ERC1: variants seen among roughly 807,000 people sequenced by gnomAD.
The protein encoded by ERC1 is ELKS/RAB6-interacting/CAST family member 1.
A neutral mutation model predicts 132.0 loss-of-function variants in ERC1; 56 were observed. The observed-to-expected ratio is 0.42, with a 90% CI of 0.34 to 0.53. The LOEUF (loss-of-function observed/expected upper bound fraction) is 0.53. Ranked by LOEUF, ERC1 falls within the 20% of genes least tolerant of loss-of-function variation. The pLI is 0.03. For synonymous variants in ERC1, 478 were observed against 476.1 expected, an observed-to-expected ratio of 1.00 and a Z score of -0.05; for missense variants, 1,202 against 1,349.9, an observed-to-expected ratio of 0.89 and a Z score of 1.72.
At chr12:1,017,495 ATTT>A (rs67654163) in intron 1 of ERC1, among the ~76,000 whole-genome samples, 4 of 124,884 alleles carry the variant, frequency 3.2e-5, no homozygotes, top group Admixed American at 2.5e-4. Context: ...TTGTTCTGGT[ATTT>A]TTTTTTTTTT....
At chr12:1,017,065 C>T (rs780578792) in intron 1 of ERC1, among the ~76,000 whole-genome samples, 32 of 152,080 alleles carry the variant, frequency 2.1e-4, no homozygotes, top group Non-Finnish European at 1.3e-4. Flanking sequence ...GGCATGATCT[C>T]GGCTCACTGC....
chr12:1,417,761 A>G (rs1164237660), intron 17 of ERC1, among the ~76,000 whole-genome samples: 2 of 150,636 alleles, frequency 1.3e-5, no homozygotes, highest in Non-Finnish European at 2.9e-5. Flanking sequence ...AGCCTGGGCA[A>G]CAGAGCAAGA....
chr12:1,292,974 G>A (rs991616678), intron 15 of ERC1, among the ~76,000 whole-genome samples: 7 of 151,214 alleles, frequency 4.6e-5, no homozygotes, highest in African/African-American at 7.3e-5. Flanking sequence ...GTGAACCCTC[G>A]TCTCTACTAA....
chr12:1,247,679 G>A (rs187780181), intron 13 of ERC1, among the ~76,000 whole-genome samples: 104 of 152,262 alleles, frequency 6.8e-4, no homozygotes, highest in African/African-American at 2.2e-3. Flanking sequence ...TGTTGACTTC[G>A]TAAACCCGTA....
intron 1 of ERC1, among the ~76,000 whole-genome samples, chr12:1,024,358 G>A (rs1335865125): frequency 6.6e-6 from 1 of 152,122 alleles, no homozygotes; most frequent in Non-Finnish European, 1.5e-5. Context: ...TCCAGCCTGG[G>A]TGACAGAGGA....
intron 2 of ERC1, among the ~76,000 whole-genome samples, chr12:1,050,929 C>T (rs565591772): frequency 1.1e-4 from 17 of 151,956 alleles, no homozygotes; most frequent in African/African-American, 3.6e-4. Context: ...CGCTTGAACC[C>T]GGGAGGCGGA....
intron 8 of ERC1, among the ~76,000 whole-genome samples, chr12:1,146,212 G>A (rs934973456): frequency 6.7e-6 from 1 of 149,546 alleles, no homozygotes; most frequent in African/African-American, 2.5e-5. Context: ...AGCATGGGAT[G>A]TGTTTCCATT....
At chr12:1,485,712 C>T (rs11608381) in intron 18 of ERC1, among the ~76,000 whole-genome samples, 62,667 of 151,574 alleles carry the variant, frequency 0.41, 13,489 homozygotes, top group African/African-American at 0.49. Flanking sequence ...ATTTGTACTT[C>T]AATTAAATGT....
At chr12:1,095,558 C>T (rs1411368953) in intron 3 of ERC1, among the ~76,000 whole-genome samples, 1 of 151,640 alleles carries the variant, frequency 6.6e-6, no homozygotes, top group Non-Finnish European at 1.5e-5. Flanking sequence ...CAAAAAAAGA[C>T]AAATAGACTA....
intron 17 of ERC1, among the ~76,000 whole-genome samples, chr12:1,413,688 A>G (rs1264280026): frequency 1.3e-5 from 2 of 152,260 alleles, no homozygotes; most frequent in African/African-American, 2.4e-5. Context: ...TCTAAGTTCA[A>G]TAACTAAGTA....
At chr12:1,440,324 C>G (rs1394679776) in intron 17 of ERC1, among the ~76,000 whole-genome samples, 1 of 147,964 alleles carries the variant, frequency 6.8e-6, no homozygotes, top group African/African-American at 2.5e-5. Flanking sequence ...CCTGCCTCAG[C>G]CTCCCGAGTA....
intron 12 of ERC1, among the ~76,000 whole-genome samples, chr12:1,231,005 A>C (rs764008243): frequency 3.3e-5 from 5 of 152,212 alleles, no homozygotes; most frequent in Admixed American, 6.5e-5. Context: ...TACTTAAAAA[A>C]GTCTGTTAGC....
chr12:1,177,079 C>T (rs919448992), intron 8 of ERC1, among the ~76,000 whole-genome samples: 2 of 152,178 alleles, frequency 1.3e-5, no homozygotes, highest in African/African-American at 4.8e-5. Flanking sequence ...AACTTTTCTC[C>T]TTTAGCTTCT....
At chr12:1,078,765 G>A (rs1941727731) in intron 2 of ERC1, among the ~76,000 whole-genome samples, 1 of 151,956 alleles carries the variant, frequency 6.6e-6, no homozygotes, top group Admixed American at 6.6e-5. Flanking sequence ...AAGGAGAGAG[G>A]AGTCACAAAA....
At chr12:1,077,956 A>G (rs1593151704) in intron 2 of ERC1, among the ~76,000 whole-genome samples, 1 of 152,202 alleles carries the variant, frequency 6.6e-6, no homozygotes, top group Admixed American at 6.5e-5. Flanking sequence ...ATAGACTTCT[A>G]GGCTACCAAG....
intron 15 of ERC1, among the ~76,000 whole-genome samples, chr12:1,334,404 T>C (rs2083136159): frequency 6.6e-6 from 1 of 152,362 alleles, no homozygotes; most frequent in East Asian, 1.9e-4. Flanking sequence ...TGAATTAATT[T>C]TTGTATAGGG....
chr12:1,084,681 A>C (rs78331360), intron 3 of ERC1, among the ~76,000 whole-genome samples: 92 of 134,952 alleles, frequency 6.8e-4, no homozygotes, highest in African/African-American at 2.5e-3. Flanking sequence ...TTTTTTTTTT[A>C]TTTTAAATTT....
At chr12:1,397,015 C>T (rs953846738) in intron 16 of ERC1, among the ~76,000 whole-genome samples, 2 of 152,132 alleles carry the variant, frequency 1.3e-5, no homozygotes, top group African/African-American at 2.4e-5. Flanking sequence ...CAGGTTTAGA[C>T]TAAAAATTTA....
chr12:1,356,537 C>G (rs1207071136), intron 15 of ERC1, among the ~76,000 whole-genome samples: 1 of 151,990 alleles, frequency 6.6e-6, no homozygotes, highest in African/African-American at 2.4e-5. Context: ...ATATTTTTCC[C>G]TAATAAAAAT....
Sources: allele counts gnomAD v4.1 joint callset (sites outside exome capture counted in the v4.1 genomes callset), GRCh38; gene constraint gnomAD v4.1.1; transcripts MANE v1.5; gene names NCBI Gene and HGNC (gene_info 2026-07-23, HGNC 2026-07-21).